BCL11A: variants seen among roughly 807,000 people sequenced by gnomAD.
The protein encoded by BCL11A is B cell CLL/lymphoma 11A.
Under a neutral mutation model 55.9 loss-of-function variants are expected in BCL11A, and 2 were observed. That is an observed-to-expected ratio of 0.04 (90% CI 0.01 to 0.11). BCL11A has a LOEUF of 0.11. BCL11A is among the 10% of genes least tolerant of loss of function. The pLI is 1.00. For synonymous variants in BCL11A, 465 were observed against 473.4 expected (o/e 0.98, Z 0.23); for missense variants, 817 against 1,137.1 (o/e 0.72, Z 4.05).
At chr2:60,452,057 A>G (rs1037455102) in exon 5 of BCL11A, 27 of 225,630 alleles carry the variant, frequency 1.2e-4, no homozygotes, top group African/African-American at 5.8e-4. Flanking sequence ...CCTCCTACCC[A>G]CCCGATGGGT....
intron 2 of BCL11A, among the ~76,000 whole-genome samples, chr2:60,486,022 A>C (rs973244226): frequency 3.9e-5 from 6 of 152,118 alleles, no homozygotes; most frequent in African/African-American, 1.4e-4. Flanking sequence ...TACAAAAAAA[A>C]TCTTTTTAGT....
At chr2:60,471,989 GC>G (rs1677229369) in intron 2 of BCL11A, among the ~76,000 whole-genome samples, 1 of 152,226 alleles carries the variant, frequency 6.6e-6, no homozygotes, top group Non-Finnish European at 1.5e-5. Flanking sequence ...AACGCTGGAA[GC>G]TTTGAAATTC....
intron 2 of BCL11A, among the ~76,000 whole-genome samples, chr2:60,519,271 T>G (rs1668868479): frequency 6.6e-6 from 1 of 152,248 alleles, no homozygotes; most frequent in South Asian, 2.1e-4. Context: ...TTTTGCGGTC[T>G]TTTTGATTCT....
chr2:60,520,738 C>T (rs1283651844), intron 2 of BCL11A, among the ~76,000 whole-genome samples: 2 of 131,194 alleles, frequency 1.5e-5, no homozygotes, highest in Non-Finnish European at 3.1e-5. Flanking sequence ...CCATGTTGGT[C>T]GCCTACGGAA....
intron 2 of BCL11A, among the ~76,000 whole-genome samples, chr2:60,491,689 G>A (rs200632291): frequency 5.5e-4 from 74 of 134,636 alleles, no homozygotes; most frequent in Admixed American, 7.2e-4. Flanking sequence ...AAAGAAAAAA[G>A]AAAAAAAAAA....
At chr2:60,477,011 CCA>C (rs1180751208) in intron 2 of BCL11A, among the ~76,000 whole-genome samples, 1 of 152,128 alleles carries the variant, frequency 6.6e-6, no homozygotes, top group Non-Finnish European at 1.5e-5. Context: ...CCCGAATTGT[CCA>C]GCTTCACACA....
intron 2 of BCL11A, chr2:60,525,796 T>C (rs1325017695): frequency 1.3e-5 from 2 of 152,182 alleles, no homozygotes; most frequent in Non-Finnish European, 2.9e-5. Flanking sequence ...CAAAGTTTGG[T>C]TCTGGAAAAT....
chr2:60,527,200 G>T (rs888551692), intron 2 of BCL11A: 3 of 152,238 alleles, frequency 2.0e-5, no homozygotes, highest in African/African-American at 7.2e-5. Context: ...GCCATCATCA[G>T]AGATGTGGCC....
In BCL11A at chr2:60,553,390, G is replaced by C. The variant is rs1406311182; in HGVS notation, c.-120C>G. 2 of 942,352 alleles carry C rather than the reference G, an allele frequency of 2.1e-6. No individual in the cohort carries two copies. Among genetic ancestry groups the C allele is most frequent in the Non-Finnish European group, 3.1e-6 (2 of 646,492 alleles). The allele number at this position is 942,352 out of a possible 1,614,324, so 58.4% of individuals were successfully genotyped here. A position where few individuals can be genotyped will look rare whatever the true frequency, so the allele number is the denominator to read the frequency against. On this transcript the variant is annotated 5_prime_UTR_variant, in exon 1 of 4. Transcript: ENST00000642384. The stretch of plus-strand genomic sequence containing the variant: ...GACTCCAGAGAAAATATCTTCATCA[G>C]TGCCTTTTGACATCCAAAATAAATT...
At chr2:60,548,651 A>G (rs1670259795) in intron 1 of BCL11A, among the ~76,000 whole-genome samples, 2 of 152,258 alleles carry the variant, frequency 1.3e-5, no homozygotes, top group African/African-American at 2.4e-5. Context: ...CTATGCTCTT[A>G]ACGTAAATTA....
rs1572945517 is a variant in BCL11A, at chr2:60,458,590, T to C, written c.*1814A>G. On this transcript the variant is annotated 3_prime_UTR_variant, in exon 4 of 4. Transcript: ENST00000642384. ...TAAGTAAGCTCAATAGTCAAGTAAA[T>C]GGCTGGCAAAGTTTTTTTTTTTTTA... The C allele has an allele frequency of 2.9e-6, 3 of 1,037,078 alleles. No individual in the cohort carries two copies. Among genetic ancestry groups the C allele is most frequent in the Non-Finnish European group, 3.5e-6 (3 of 861,106 alleles). The allele number at this position is 1,037,078 out of a possible 1,614,324, so 64.2% of individuals were successfully genotyped here.
Position 60,546,366 on chromosome 2 carries a change from A to T in BCL11A, c.56-66T>A. The T allele has an allele frequency of 1.5e-6, 2 of 1,360,842 alleles. No individual in the cohort carries two copies. The highest frequency in any genetic ancestry group is 2.0e-6 in the Non-Finnish European group (2 of 976,422). 84.3% of individuals were successfully genotyped at this position (1,360,842 alleles called of 1,614,324 possible). ...GAGAGGACAGAAAGGGGAGAAGCAC[A>T]TCTCAACCCCATGCCATCCCACCAC... On this transcript the variant is annotated intron_variant, in intron 1 of 3. Coordinates refer to ENST00000642384, the MANE Select transcript of BCL11A (RefSeq NM_022893.4). The surrounding 1 kb of genome is among the most constrained non-coding windows in gnomAD (Gnocchi z 4.1).
downstream of BCL11A, among the ~76,000 whole-genome samples, chr2:60,455,060 A>G (rs1241471175): frequency 1.3e-5 from 2 of 152,198 alleles, no homozygotes; most frequent in Non-Finnish European, 2.9e-5. Flanking sequence ...AGGATAGCAA[A>G]TGGGTTCAGG....
rs184147288 is a variant in BCL11A at position 60,487,852 on chromosome 2, C to G, written c.386-19019G>C. ...TGGGAAATCTGGATAAGAATTTGGT[C>G]TAAATATATGAAGAGGAACATGGAC... On this transcript the variant is annotated intron_variant, in intron 2 of 3. Coordinates refer to ENST00000642384, the MANE Select transcript of BCL11A (RefSeq NM_022893.4). Among the ~76,000 whole-genome samples, 97 of 152,254 alleles carry G rather than the reference C, an allele frequency of 6.4e-4. 1 individual carries two copies. The highest frequency in any genetic ancestry group is 2.7e-3 in the South Asian group (13 of 4,820).
intron 2 of BCL11A, among the ~76,000 whole-genome samples, chr2:60,505,142 A>G: frequency 6.6e-6 from 1 of 151,964 alleles, no homozygotes; most frequent in Admixed American, 6.5e-5. Context: ...CAAAGGGCTT[A>G]CTCAAAAAAA....
chr2:60,552,767 A>AC lies in BCL11A; in HGVS notation c.55+448dup, dbSNP rs555261532. ...TTAGACTTGTACTCACTCCCTCCCTACCCCCCCATTTTCTTACGGTGAGTG... is the reference window on the plus strand; with the variant it reads ...TTAGACTTGTACTCACTCCCTCCCTACCCCCCCCATTTTCTTACGGTGAGTG... On this transcript the variant is annotated intron_variant, in intron 1 of 3. Transcript: ENST00000642384. Among the ~76,000 whole-genome samples the AC allele has an allele frequency of 1.5e-3, 223 of 145,478 alleles. 1 individual carries two copies. The highest frequency in any genetic ancestry group is 5.2e-3 in the African/African-American group (203 of 38,954).
intron 2 of BCL11A, among the ~76,000 whole-genome samples, chr2:60,471,276 A>G: frequency 6.6e-6 from 1 of 152,206 alleles, no homozygotes; most frequent in South Asian, 2.1e-4. Flanking sequence ...CATTTCTATC[A>G]GCCTAAGAAG....
intron 2 of BCL11A, among the ~76,000 whole-genome samples, chr2:60,471,998 T>A (rs1677229830): frequency 6.6e-6 from 1 of 152,152 alleles, no homozygotes; most frequent in Non-Finnish European, 1.5e-5. Flanking sequence ...AGCTTTGAAA[T>A]TCCCTGGGCA....
In BCL11A at chr2:60,460,599, T is replaced by C; in HGVS notation, c.2313A>G (p.Lys771=). The C allele has an allele frequency of 6.2e-7, 1 of 1,614,118 alleles. No individual in the cohort carries two copies. The highest frequency in any genetic ancestry group is 8.5e-7 in the Non-Finnish European group (1 of 1,180,020). The change falls in exon 4 of 4, where the codon AAA becomes AAG. Residue 771 remains lysine, a synonymous_variant. Coordinates refer to ENST00000642384, the MANE Select transcript of BCL11A (RefSeq NM_022893.4). The part of the protein sequence containing the change: ...RRSHTGERPY[K]CELCNYACAQ... ...CACAGGCATAGTTGCACAGCTCGCA[T>C]TTATAAGGCCTTTCGCCCGTGTGGC... is the stretch of plus-strand genomic sequence containing the variant.
Sources: allele counts gnomAD v4.1 joint callset (sites outside exome capture counted in the v4.1 genomes callset), GRCh38; gene constraint gnomAD v4.1.1; non-coding constraint Gnocchi (gnomAD v3.1); transcripts MANE v1.5; gene names NCBI Gene and HGNC (gene_info 2026-07-23, HGNC 2026-07-21).